Variants in CTNNA3 observed in about 807,000 individuals in gnomAD.
CTNNA3 encodes catenin alpha 3.
In CTNNA3, 76 loss-of-function variants were observed where a neutral mutation model predicts 95.7. That is an observed-to-expected ratio of 0.79 (90% CI 0.66 to 0.96). CTNNA3 has a LOEUF of 0.96. CTNNA3 is among the 40% of genes least tolerant of loss of function. The pLI is 0.00. For synonymous variants in CTNNA3, 431 were observed against 374.4 expected (o/e 1.15, Z -1.74); for missense variants, 1,191 against 1,089.8 (o/e 1.09, Z -1.31).
chr10:66,033,038 A>G (rs140951554), intron 15 of CTNNA3, among the ~76,000 whole-genome samples: 132 of 152,040 alleles, frequency 8.7e-4, no homozygotes, highest in African/African-American at 3.1e-3. Context: ...CGACATGTTC[A>G]TCTCATCCTG....
intron 12 of CTNNA3, among the ~76,000 whole-genome samples, chr10:66,328,913 T>TATATATATATATATATAA (rs2132310826): frequency 1.0e-5 from 1 of 98,456 alleles, no homozygotes; most frequent in South Asian, 3.5e-4. Flanking sequence ...CATATATACA[T>TATATATATATATATATAA]ATATATATAT....
chr10:66,412,456 A>ATTTTTTTTTTTTTTTTTT (rs750175517), intron 11 of CTNNA3, among the ~76,000 whole-genome samples: 1 of 126,198 alleles, frequency 7.9e-6, no homozygotes, highest in Non-Finnish European at 1.7e-5. Context: ...GCCAAATACT[A>ATTTTTTTTTTTTTTTTTT]TTTTTTTTTT....
intron 9 of CTNNA3, among the ~76,000 whole-genome samples, chr10:66,724,443 C>T (rs1372463424): frequency 1.3e-5 from 2 of 152,122 alleles, no homozygotes; most frequent in African/African-American, 4.8e-5. Flanking sequence ...GAACAGCAGG[C>T]TAATCATAGC....
At chr10:67,695,503 C>T (rs1356587249) in intron 1 of CTNNA3, among the ~76,000 whole-genome samples, 1 of 152,144 alleles carries the variant, frequency 6.6e-6, no homozygotes, top group African/African-American at 2.4e-5. Flanking sequence ...CTTAATATTC[C>T]TTCCAATTAT....
intron 3 of CTNNA3, among the ~76,000 whole-genome samples, chr10:67,573,266 A>AC (rs1352370964): frequency 1.3e-5 from 2 of 151,964 alleles, no homozygotes; most frequent in African/African-American, 4.8e-5. Flanking sequence ...CCTACGACCA[A>AC]CCCCCAAAAA....
At chr10:66,664,902 A>C (rs1846392679) in intron 9 of CTNNA3, among the ~76,000 whole-genome samples, 6 of 151,760 alleles carry the variant, frequency 4.0e-5, no homozygotes, top group Admixed American at 3.3e-4. Flanking sequence ...AAAAAAAAAA[A>C]AAAAAAAACA....
intron 7 of CTNNA3, among the ~76,000 whole-genome samples, chr10:66,983,039 C>T (rs1168681858): frequency 6.6e-6 from 1 of 152,174 alleles, no homozygotes; most frequent in South Asian, 2.1e-4. Flanking sequence ...CTGAGAGCAG[C>T]GACTGCCGAA....
chr10:67,202,034 T>C (rs1863671983), intron 6 of CTNNA3, among the ~76,000 whole-genome samples: 1 of 152,222 alleles, frequency 6.6e-6, no homozygotes, highest in African/African-American at 2.4e-5. Context: ...AAAACTAATA[T>C]GTTGGCAATA....
intron 10 of CTNNA3, among the ~76,000 whole-genome samples, chr10:66,607,056 G>A (rs575874460): frequency 3.9e-5 from 6 of 152,012 alleles, no homozygotes; most frequent in African/African-American, 1.4e-4. Flanking sequence ...GAAGAAAGGA[G>A]AGAACATCCA....
intron 1 of CTNNA3, among the ~76,000 whole-genome samples, chr10:67,658,633 T>C (rs1256038350): frequency 6.6e-6 from 1 of 152,070 alleles, no homozygotes; most frequent in Non-Finnish European, 1.5e-5. Flanking sequence ...ACAAACACAT[T>C]CCTAATGCAC....
intron 1 of CTNNA3, among the ~76,000 whole-genome samples, chr10:67,683,735 G>T (rs1840672594): frequency 6.6e-6 from 1 of 152,164 alleles, no homozygotes; most frequent in Non-Finnish European, 1.5e-5. Flanking sequence ...CACTCTTAAA[G>T]ATGTTGTGTC....
At position 66,913,988 on chromosome 10, in the gene CTNNA3, T is replaced by G. The variant is rs1210021408; in HGVS notation, c.1048-138464A>C. 2.0e-5 allele frequency among the ~76,000 whole-genome samples: 3 copies of G among 152,286 alleles called. No homozygotes were observed. In the East Asian group the frequency reaches 5.8e-4, roughly 29 times the overall value. On this transcript the variant is annotated intron_variant, in intron 7 of 17. Transcript: ENST00000433211. ...CCAGAACACTGGTAGCAGGTGTACA[T>G]CTTCCATGTAGGAGCGGTTGGCAGT...
intron 13 of CTNNA3, among the ~76,000 whole-genome samples, chr10:66,278,913 G>T (rs965211279): frequency 1.2e-4 from 18 of 152,010 alleles, no homozygotes; most frequent in African/African-American, 4.3e-4. Context: ...AATCCACAGA[G>T]GTAAGGCCTA....
At chr10:66,364,668 AC>A (rs1357514567) in intron 12 of CTNNA3, among the ~76,000 whole-genome samples, 1 of 152,180 alleles carries the variant, frequency 6.6e-6, no homozygotes, top group Admixed American at 6.6e-5. Flanking sequence ...AAAATAATGT[AC>A]AGAGGAACAT....
At chr10:67,391,241 A>C (rs1844468316) in intron 5 of CTNNA3, among the ~76,000 whole-genome samples, 2 of 152,014 alleles carry the variant, frequency 1.3e-5, no homozygotes, top group Non-Finnish European at 2.9e-5. Flanking sequence ...AAAAATCACA[A>C]GCATTCTTAT....
At chr10:66,900,123 G>T (rs1225233520) in intron 7 of CTNNA3, among the ~76,000 whole-genome samples, 1 of 152,106 alleles carries the variant, frequency 6.6e-6, no homozygotes, top group Non-Finnish European at 1.5e-5. Context: ...CATGCAAGTG[G>T]CTGCCCCTCT....
At chr10:66,233,029 G>C (rs930922293) in intron 13 of CTNNA3, among the ~76,000 whole-genome samples, 1 of 151,788 alleles carries the variant, frequency 6.6e-6, no homozygotes, top group Non-Finnish European at 1.5e-5. Flanking sequence ...GCGTGGTGGT[G>C]TGCGCCTGTA....
intron 1 of CTNNA3, among the ~76,000 whole-genome samples, chr10:67,759,577 C>G (rs2131757065): frequency 6.6e-6 from 1 of 152,194 alleles, no homozygotes; most frequent in East Asian, 1.9e-4. Context: ...CTAAGATGTC[C>G]CCAAGATTCC....
chr10:67,125,217 T>C (rs1157784508), intron 7 of CTNNA3, among the ~76,000 whole-genome samples: 1 of 152,144 alleles, frequency 6.6e-6, no homozygotes, highest in African/African-American at 2.4e-5. Flanking sequence ...ACAACCACAG[T>C]TGAAAGTCCT....
Sources: gnomAD v4.1 joint callset for allele counts (sites outside exome capture counted in the v4.1 genomes callset) on GRCh38, gnomAD v4.1.1 for gene constraint, MANE v1.5 for transcripts, NCBI Gene and HGNC (gene_info 2026-07-23, HGNC 2026-07-21) for gene names.